MALAT1: variants seen among roughly 807,000 people sequenced by gnomAD.
MALAT1 encodes the protein metastasis associated lung adenocarcinoma transcript 1, also known as hepcarcin.
intron 3 of MALAT1, chr11:65,504,632 G>C: frequency 1.9e-6 from 1 of 518,842 alleles, no homozygotes; most frequent in South Asian, 1.4e-5. Context: ...TGGTGGGAGG[G>C]GACTGAAGCC....
chr11:65,503,540 G>A (rs1360665754), exon 3 of MALAT1: 1 of 518,496 alleles, frequency 1.9e-6, no homozygotes, highest in Non-Finnish European at 3.8e-6. Context: ...AGAATCAGAT[G>A]TTACTGCTAA....
At chr11:65,498,369 A>G (rs769533120) in intron 1 of MALAT1, 3 of 518,406 alleles carry the variant, frequency 5.8e-6, no homozygotes, top group Middle Eastern at 3.2e-4. Flanking sequence ...CGCAGATCAG[A>G]GTGGGCCACT....
intron 1 of MALAT1, chr11:65,498,378 C>T (rs868153195): frequency 1.9e-5 from 10 of 518,298 alleles, no homozygotes; most frequent in African/African-American, 1.9e-4. Context: ...GAGTGGGCCA[C>T]TGGCAGCCAA....
chr11:65,501,538 A>G (rs900777861), exon 3 of MALAT1: 3 of 518,814 alleles, frequency 5.8e-6, no homozygotes, highest in Non-Finnish European at 1.2e-5. Flanking sequence ...GGATGGTCTT[A>G]ACAGGGAAGA....
chr11:65,503,303 G>A, exon 3 of MALAT1: 1 of 518,306 alleles, frequency 1.9e-6, no homozygotes, highest in Non-Finnish European at 3.9e-6. Context: ...CCCTTCCCTA[G>A]GGGATTTCAG....
intron 2 of MALAT1, chr11:65,498,770 T>G (rs1480215284): frequency 1.9e-6 from 1 of 518,858 alleles, no homozygotes; most frequent in African/African-American, 1.9e-5. Flanking sequence ...GTGAGGTGTT[T>G]GATGACCCGT....
chr11:65,506,038 T>A (rs767209353), intron 3 of MALAT1: 1 of 453,926 alleles, frequency 2.2e-6, no homozygotes, highest in Non-Finnish European at 4.2e-6. Context: ...GTTTTTCTTT[T>A]CCTGAGAAAA....
exon 3 of MALAT1, chr11:65,501,653 C>G (rs1488876440): frequency 1.9e-6 from 1 of 518,994 alleles, no homozygotes; most frequent in Admixed American, 1.9e-5. Context: ...GCTGTTGGCA[C>G]GAACACCTTC....
intron 3 of MALAT1, chr11:65,504,039 C>A: frequency 3.9e-6 from 2 of 518,010 alleles, no homozygotes; most frequent in South Asian, 2.8e-5. Context: ...TAAATGCTTA[C>A]AATCTTAGAG....
intron 3 of MALAT1, chr11:65,505,577 T>G: frequency 1.9e-6 from 1 of 516,502 alleles, no homozygotes; most frequent in Non-Finnish European, 3.9e-6. Flanking sequence ...CCCGTGCCTT[T>G]TGATCTAGCA....
intron 1 of MALAT1, chr11:65,498,536 C>G (rs745540034): frequency 4.1e-5 from 21 of 518,286 alleles, no homozygotes; most frequent in South Asian, 2.9e-4. Context: ...GTGTGGCTGT[C>G]TTGGGAGCAA....
chr11:65,497,849 C>T (rs781518956), exon 1 of MALAT1: 11 of 516,688 alleles, frequency 2.1e-5, no homozygotes, highest in Non-Finnish European at 4.3e-5. Flanking sequence ...CGCCGGGAAG[C>T]CTCAGCTCGC....
At chr11:65,499,168 C>T (rs753169067) in exon 3 of MALAT1, 1 of 510,172 alleles carries the variant, frequency 2.0e-6, no homozygotes, top group East Asian at 5.5e-5. Context: ...AAAATATAGT[C>T]AATAGGTTAC....
At chr11:65,503,143 G>GT (rs1190026625) in exon 3 of MALAT1, 5 of 509,110 alleles carry the variant, frequency 9.8e-6, no homozygotes, top group African/African-American at 9.6e-5. Context: ...TATCAGAAGA[G>GT]TTGCTTCATT....
At chr11:65,505,865 A>G (rs367846990) in intron 3 of MALAT1, 5 of 454,486 alleles carry the variant, frequency 1.1e-5, no homozygotes, top group East Asian at 1.1e-4. Context: ...GGAACATGTA[A>G]CTTGTAGACT....
exon 3 of MALAT1, chr11:65,500,503 A>G (rs371299493): frequency 1.9e-6 from 1 of 518,940 alleles, no homozygotes; most frequent in Non-Finnish European, 3.8e-6. Flanking sequence ...GCGAGCAAGC[A>G]GCAGTTCGTG....
exon 3 of MALAT1, chr11:65,501,815 T>C (rs778830684): frequency 2.9e-5 from 15 of 518,110 alleles, no homozygotes; most frequent in Non-Finnish European, 5.8e-5. Flanking sequence ...TTTCCAATAA[T>C]GTGACTTCTT....
exon 3 of MALAT1, chr11:65,502,026 GT>G (rs1347597828): frequency 9.7e-6 from 5 of 516,860 alleles, no homozygotes; most frequent in Non-Finnish European, 1.9e-5. Flanking sequence ...CAATGATTTA[GT>G]TTTTTTCCCC....
exon 1 of MALAT1, chr11:65,497,743 C>G: frequency 2.4e-6 from 1 of 418,296 alleles, no homozygotes; most frequent in Non-Finnish European, 4.8e-6. Flanking sequence ...CCCTCCGCAG[C>G]CTGCAGCCCG....
Sources: allele counts gnomAD v4.1 joint callset, GRCh38; gene constraint gnomAD v4.1.1; transcripts MANE v1.5; gene names NCBI Gene and HGNC (gene_info 2026-07-23, HGNC 2026-07-21).